Variants in HECW2 observed in about 807,000 individuals in gnomAD.
The protein encoded by HECW2 is HECT, C2 and WW domain containing E3 ubiquitin protein ligase 2, also known as E3 ubiquitin-protein ligase HECW2.
A neutral mutation model predicts 175.2 loss-of-function variants in HECW2; 61 were observed. The observed-to-expected ratio is 0.35, with a 90% CI of 0.28 to 0.43. The LOEUF is 0.43. HECW2 is among the 20% of genes least tolerant of loss of function. The pLI is 1.00. For synonymous variants in HECW2, 671 were observed against 731.0 expected, an observed-to-expected ratio of 0.92 and a Z score of 1.32; for missense variants, 1,524 against 2,000.5, an observed-to-expected ratio of 0.76 and a Z score of 4.54.
At chr2:196,412,631 T>G (rs1488592473) in intron 2 of HECW2, among the ~76,000 whole-genome samples, 1 of 152,228 alleles carries the variant, frequency 6.6e-6, no homozygotes, top group East Asian at 1.9e-4. Context: ...TTTAGAGCAG[T>G]GGCTTTGAAA....
chr2:196,425,613 A>C (rs181828883), intron 2 of HECW2, among the ~76,000 whole-genome samples: 1 of 152,276 alleles, frequency 6.6e-6, no homozygotes. Flanking sequence ...ATGTGGTAGA[A>C]ATAGCAAGAG....
intron 10 of HECW2, among the ~76,000 whole-genome samples, chr2:196,310,853 A>G (rs929209551): frequency 1.3e-5 from 2 of 151,822 alleles, no homozygotes; most frequent in African/African-American, 2.4e-5. Context: ...CTTTCACTAC[A>G]AGACCTTAAA....
intron 1 of HECW2, among the ~76,000 whole-genome samples, chr2:196,525,521 T>C (rs1283594080): frequency 7.1e-6 from 1 of 141,252 alleles, no homozygotes. Flanking sequence ...CCTGTCATTA[T>C]GATGTTAGCT....
intron 1 of HECW2, among the ~76,000 whole-genome samples, chr2:196,464,040 T>C (rs1321989709): frequency 6.6e-6 from 1 of 152,134 alleles, no homozygotes; most frequent in Non-Finnish European, 1.5e-5. Flanking sequence ...TCCTTTTTTT[T>C]TTTTTCTGGA....
intron 2 of HECW2, among the ~76,000 whole-genome samples, chr2:196,407,960 A>G (rs1381500478): frequency 2.6e-5 from 4 of 152,226 alleles, no homozygotes; most frequent in Admixed American, 6.5e-5. Flanking sequence ...TTCTATCTCA[A>G]TACTAAAGAC....
intron 28 of HECW2, among the ~76,000 whole-genome samples, chr2:196,208,162 G>C (rs995061301): frequency 6.6e-6 from 1 of 152,210 alleles, no homozygotes; most frequent in Non-Finnish European, 1.5e-5. Context: ...AGGAAGAATA[G>C]TAAGAATGGC....
At chr2:196,508,296 T>A (rs1210964672) in intron 1 of HECW2, among the ~76,000 whole-genome samples, 1 of 152,234 alleles carries the variant, frequency 6.6e-6, no homozygotes, top group Non-Finnish European at 1.5e-5. Flanking sequence ...TATAGAAACC[T>A]GAATCCATCA....
intron 1 of HECW2, among the ~76,000 whole-genome samples, chr2:196,438,552 T>A (rs1447663132): frequency 1.3e-5 from 2 of 152,228 alleles, no homozygotes; most frequent in Non-Finnish European, 2.9e-5. Flanking sequence ...ATTTAAACCA[T>A]GGAGGTGCCT....
At position 196,228,075 on chromosome 2, in the gene HECW2, G is replaced by T. The variant is rs369557774; in HGVS notation, c.3917+27C>A. The T allele has an allele frequency of 2.2e-5, 33 of 1,498,648 alleles. No homozygotes were observed. In the African/African-American group the frequency reaches 3.3e-4, roughly 15 times the overall value. 92.8% of individuals were successfully genotyped at this position (1,498,648 alleles called of 1,614,324 possible). ...CTAATATCATAGGAAATCGCCTGAA[G>T]AAAAGTGTTGGGGAAAAAATACTTA... On this transcript the variant is annotated intron_variant, in intron 22 of 28. Transcript: ENST00000644978.
At chr2:196,419,304 C>T (rs1233125198) in intron 2 of HECW2, among the ~76,000 whole-genome samples, 1 of 152,168 alleles carries the variant, frequency 6.6e-6, no homozygotes, top group East Asian at 1.9e-4. Context: ...AAAAGATACA[C>T]GGAATTCAGA....
At chr2:196,398,368 C>T (rs576993660) in intron 2 of HECW2, among the ~76,000 whole-genome samples, 1 of 152,126 alleles carries the variant, frequency 6.6e-6, no homozygotes, top group African/African-American at 2.4e-5. Context: ...TAAATAAACA[C>T]ATTTAACAAA....
chr2:196,293,978 T>A (rs1289547805), intron 13 of HECW2, among the ~76,000 whole-genome samples: 1 of 152,226 alleles, frequency 6.6e-6, no homozygotes, highest in African/African-American at 2.4e-5. Flanking sequence ...ATAAGCTTGG[T>A]GAATGGAATA....
chr2:196,320,827 G>C (rs1271797724), intron 7 of HECW2, among the ~76,000 whole-genome samples: 3 of 152,162 alleles, frequency 2.0e-5, no homozygotes, highest in Admixed American at 6.5e-5. Context: ...GTGTAAAAGG[G>C]GAGAGAGCCT....
chr2:196,525,370 T>C (rs1688601345), intron 1 of HECW2, among the ~76,000 whole-genome samples: 2 of 135,298 alleles, frequency 1.5e-5, no homozygotes, highest in Non-Finnish European at 1.6e-5. Flanking sequence ...CCTATGTGTG[T>C]CTCTGCACGT....
chr2:196,331,825 A>G (rs780314411), intron 4 of HECW2, among the ~76,000 whole-genome samples: 3 of 152,204 alleles, frequency 2.0e-5, no homozygotes, highest in Admixed American at 6.5e-5. Context: ...AGGCATTACC[A>G]CTAGATACAG....
rs374942322 is a variant in HECW2, at chr2:196,406,543, T to C, written c.292+26589A>G. Among the ~76,000 whole-genome samples the C allele has an allele frequency of 9.7e-4, 148 of 152,294 alleles. 2 individuals carry two copies. In the Middle Eastern group the frequency reaches 0.024, roughly 25 times the overall value. On this transcript the variant is annotated intron_variant, in intron 2 of 28. Coordinates refer to ENST00000644978, the MANE Select transcript of HECW2 (RefSeq NM_001348768.2). ...GAGTCATCTTCTAAAAGTCAAACCTTATTAATCTCCTGCTTAAAATCCTGG... is the reference window on the plus strand; with the variant it reads ...GAGTCATCTTCTAAAAGTCAAACCTCATTAATCTCCTGCTTAAAATCCTGG...
chr2:196,428,424 A>C (rs1483912385), intron 2 of HECW2, among the ~76,000 whole-genome samples: 4 of 152,160 alleles, frequency 2.6e-5, no homozygotes, highest in Non-Finnish European at 5.9e-5. Context: ...CACAGTATTA[A>C]ATTTGTGACT....
intron 19 of HECW2, among the ~76,000 whole-genome samples, chr2:196,253,628 A>C (rs868852727): frequency 3.3e-5 from 5 of 152,356 alleles, no homozygotes; most frequent in Middle Eastern, 3.4e-3. Context: ...TCTAAAGTCA[A>C]AAAGCAACCT....
rs372335488 is a variant in HECW2 at position 196,474,245 on chromosome 2, A to G, written c.-35-40787T>C. ...TATTATAAATATGCTTTTGGTGAAA[A>G]TAAGTATTCAATATCTTTTGGGGAC... On this transcript the variant is annotated intron_variant, in intron 1 of 28. Coordinates refer to ENST00000644978, the MANE Select transcript of HECW2 (RefSeq NM_001348768.2). Among the ~76,000 whole-genome samples, 15 of 152,338 alleles carry G rather than the reference A, an allele frequency of 9.8e-5. No individual in the cohort carries two copies. The East Asian group carries it at 2.3e-3, about 24-fold the overall frequency.
Sources: allele counts gnomAD v4.1 joint callset (sites outside exome capture counted in the v4.1 genomes callset), GRCh38; gene constraint gnomAD v4.1.1; transcripts MANE v1.5; gene names NCBI Gene and HGNC (gene_info 2026-07-23, HGNC 2026-07-21).